ITGA10: variants seen among roughly 807,000 people sequenced by gnomAD.
ITGA10 encodes integrin alpha-10.
In ITGA10, 105 loss-of-function variants were observed where a neutral mutation model predicts 145.2. That is an observed-to-expected ratio of 0.72 (90% confidence interval 0.62 to 0.85). The LOEUF (loss-of-function observed/expected upper bound fraction) is 0.85, where lower values mean the gene tolerates loss of function less well. ITGA10 is among the 40% of genes least tolerant of loss of function. The pLI, the probability that ITGA10 is intolerant of heterozygous loss-of-function variation, is 0.00. For synonymous variants in ITGA10, 506 were observed against 557.8 expected (o/e 0.91, Z 1.31); for missense variants, 1,317 against 1,444.5 (o/e 0.91, Z 1.43).
Position 145,893,527 on chromosome 1 carries a change from T to C in ITGA10, c.3324+13A>G. ...TTATTTTCACAGCTCTCAGACTCGGTCTCCAGCCCTACCTCACTCCAACGG... is the reference window on the plus strand; with the variant it reads ...TTATTTTCACAGCTCTCAGACTCGGCCTCCAGCCCTACCTCACTCCAACGG... On this transcript the variant is annotated intron_variant, in intron 28 of 29. Transcript: ENST00000369304. The C allele has an allele frequency of 6.3e-7, 1 of 1,597,072 alleles. No individual in the cohort carries two copies. Among genetic ancestry groups the C allele is most frequent in the Non-Finnish European group, 8.6e-7 (1 of 1,168,576 alleles).
rs782139076 is a variant in ITGA10 at position 145,893,618 on chromosome 1, C to A, written c.3246G>T (p.Leu1082=). ...CCAGCTCAAAGGTGCTGACCACCGT[C>A]AGGGACTTGAACTTGGCCTATGGAA... is the stretch of plus-strand genomic sequence containing the variant. ...EFFRRAKFKS[L]TVVSTFELGT... is the part of the protein sequence containing the mutation. Residue 1082 remains leucine (L), a synonymous_variant, in exon 28 of 30, where the codon CTG becomes CTT. Transcript: ENST00000369304. 6.2e-7 allele frequency: 1 copy of A among 1,613,136 alleles called. No homozygotes were observed. The highest frequency in any genetic ancestry group is 1.3e-5 in the African/African-American group (1 of 74,914).
At chr1:145,893,766 C>A in intron 27 of ITGA10, 131 bp from the exon 28 acceptor site, 1 of 653,598 alleles carries the variant, frequency 1.5e-6, no homozygotes, top group Non-Finnish European at 2.7e-6. Context: ...GAAGAAAAGG[C>A]TGAAGACCAA....
At chr1:145,898,085 A>G in intron 18 of ITGA10, 25 bp downstream of exon 18, 1 of 1,523,410 alleles carries the variant, frequency 6.6e-7, no homozygotes, top group South Asian at 1.1e-5. Flanking sequence ...GTTGGGAGCA[A>G]GGGGCAGGGC....
intron 7 of ITGA10, 97 bp from the exon 8 acceptor site, chr1:145,903,058 CA>C: frequency 3.0e-6 from 3 of 1,003,816 alleles, no homozygotes; most frequent in East Asian, 2.5e-5. Flanking sequence ...CACACACACA[CA>C]CACACACAGG....
rs782672526 is a variant in ITGA10, at chr1:145,904,174, G to A, written c.636C>T (p.Ser212=). 33 of 1,614,068 alleles carry A rather than the reference G, an allele frequency of 2.0e-5. No homozygotes were observed. Among genetic ancestry groups the A allele is most frequent in the Non-Finnish European group, 2.7e-5 (32 of 1,179,988 alleles). The change falls in exon 7 of 30, where the codon AGC becomes AGT. Residue 212 remains serine (S), a synonymous_variant. Coordinates refer to ENST00000369304, the MANE Select transcript of ITGA10 (RefSeq NM_003637.5). ...IQVGLVQYGE[S]PVHEWSLGDF... is the part of the protein sequence containing the mutation. Reference sequence around the variant, plus strand: ...CTCCCAGGGACCACTCATGTACAGGGCTCTCCCCATACTGTACCAGTCCCA... The same window carrying A: ...CTCCCAGGGACCACTCATGTACAGGACTCTCCCCATACTGTACCAGTCCCA...
At position 145,893,186 on chromosome 1, in the gene ITGA10, G is replaced by A. The variant is rs1553743752; in HGVS notation, c.3413C>T (p.Ala1138Val). The A allele has an allele frequency of 1.2e-6, 2 of 1,613,864 alleles. No homozygotes were observed. Among genetic ancestry groups the A allele is most frequent in the South Asian group, 1.1e-5 (1 of 91,072 alleles). ...CTTCCACAGGCAGAAGACAAGGAGA[G>A]CAAGCAGGAGCAACCCTCCCAGGAC... ...GSVLGGLLLL[A>V]LLVFCLWKLG... The change falls in exon 29 of 30, where the codon GCT becomes GTT. Residue 1138 changes from alanine to valine, a missense_variant. Physicochemically the swap from Ala to Val is moderately conservative, Grantham distance 64. Transcript: ENST00000369304.
intron 29 of ITGA10, 48 bp from the exon 30 acceptor site, chr1:145,892,911 C>G: frequency 4.9e-6 from 7 of 1,437,308 alleles, no homozygotes; most frequent in Admixed American, 1.7e-5. Flanking sequence ...AGACTGGGAA[C>G]CTTGCCAGTA....
chr1:145,895,469 C>T, intron 26 of ITGA10, 76 bp from the exon 27 acceptor site: 2 of 1,398,374 alleles, frequency 1.4e-6, no homozygotes, highest in Admixed American at 1.8e-5. Context: ...CTAGTTCACA[C>T]AGTCTTGTCC....
At chr1:145,897,185 G>A (rs1655533424) in intron 21 of ITGA10, 62 bp downstream of exon 21, 2 of 1,580,376 alleles carry the variant, frequency 1.3e-6, no homozygotes, top group African/African-American at 1.3e-5. Context: ...GAAGTCCCAG[G>A]ACCCTCAGAT....
In ITGA10 at chr1:145,900,949, G is replaced by C. The variant is rs375059707; in HGVS notation, c.1632C>G (p.Pro544=). 69 of 1,614,118 alleles carry C rather than the reference G, an allele frequency of 4.3e-5. No homozygotes were observed. Among genetic ancestry groups the C allele is most frequent in the Middle Eastern group, 3.3e-4 (2 of 6,062 alleles). The part of the protein sequence containing the change: ...TLQGTLQPEP[P]QDARFGFAMG... Reference sequence around the variant, plus strand: ...TGGCAAAGCCAAACCGAGCATCCTGGGGGGGTTCTGGCTGAAGTGTTCCTT... The same window carrying C: ...TGGCAAAGCCAAACCGAGCATCCTGCGGGGGTTCTGGCTGAAGTGTTCCTT... Residue 544 remains proline, a synonymous_variant, in exon 14 of 30, where the codon CCC becomes CCG. Transcript: ENST00000369304.
Position 145,899,270 on chromosome 1 carries a change from T to G in ITGA10, c.1994A>C (p.Asp665Ala), listed in dbSNP as rs1553746910. The change falls in exon 16 of 30, where the codon GAC becomes GCC. Residue 665 changes from aspartate (D) to alanine (A), a missense_variant. By Grantham distance (126) the Asp-to-Ala change is moderately radical. Coordinates refer to ENST00000369304, the MANE Select transcript of ITGA10 (RefSeq NM_003637.5). The part of the protein sequence containing the change: ...TPQAISVVQR[D>A]CRRRGQEAVC... ...TGCCTCTTGGCCTCGCCGCCTACAG[T>G]CCCTCTGAACCACACTGATGGCCTG... 1 of 1,613,984 alleles carries G rather than the reference T, an allele frequency of 6.2e-7. No homozygotes were observed. Among genetic ancestry groups the G allele is most frequent in the Non-Finnish European group, 8.5e-7 (1 of 1,180,026 alleles).
Position 145,900,185 on chromosome 1 carries a change from C to T in ITGA10, c.1794G>A (p.Arg598=), listed in dbSNP as rs782448854. 1.2e-6 allele frequency: 2 copies of T among 1,612,132 alleles called. No homozygotes were observed. Among genetic ancestry groups the T allele is most frequent in the South Asian group, 1.1e-5 (1 of 90,766 alleles). Reference sequence around the variant, plus strand: ...CATGTGGCATGGAGGCAGCAGCAATCCTCTGAGAGGAAGAGAGAGAATACT... The same window carrying T: ...CATGTGGCATGGAGGCAGCAGCAATTCTCTGAGAGGAAGAGAGAGAATACT... ...QSGVRPHPAQ[R]IAAASMPHAL... is the part of the protein sequence containing the mutation. Residue 598 remains arginine (R), a splice_region_variant and synonymous_variant, in exon 15 of 30, where the codon AGG becomes AGA. Coordinates refer to ENST00000369304, the MANE Select transcript of ITGA10 (RefSeq NM_003637.5).
intron 28 of ITGA10, 132 bp downstream of exon 28, chr1:145,893,408 A>G: frequency 2.1e-6 from 2 of 934,378 alleles, no homozygotes; most frequent in Non-Finnish European, 1.7e-6. Context: ...TGAGGCAGGA[A>G]TGGCGGCAGT....
chr1:145,893,735 T>A, intron 27 of ITGA10, 100 bp from the exon 28 acceptor site: 4 of 834,410 alleles, frequency 4.8e-6, no homozygotes, highest in Admixed American at 2.2e-5. Context: ...AGAGGCATAA[T>A]GTTGAGGGCT....
At position 145,897,673 on chromosome 1, in the gene ITGA10, G is replaced by GA. The variant is rs2101769946; in HGVS notation, c.2433-21dup. On this transcript the variant is annotated intron_variant, in intron 19 of 29. Transcript: ENST00000369304. ...GCCTTCCTGGGAATGATGAATGAGG[G>GA]AGAGACCAGGAGTTGAAGGAGGGGA... 6.2e-7 allele frequency: 1 copy of GA among 1,614,010 alleles called. No individual in the cohort carries two copies. Among genetic ancestry groups the GA allele is most frequent in the Non-Finnish European group, 8.5e-7 (1 of 1,179,948 alleles).
chr1:145,909,549 ATAT>A (rs1415083337), intron 1 of ITGA10, among the ~76,000 whole-genome samples: 4 of 133,812 alleles, frequency 3.0e-5, no homozygotes, highest in Admixed American at 8.0e-5. Flanking sequence ...ATTATGTTAT[ATAT>A]TATATGTATA....
Position 145,908,278 on chromosome 1 carries a change from ACTGT to A in ITGA10, c.53-817_53-814del, listed in dbSNP as rs1657429571. 1.3e-5 allele frequency among the ~76,000 whole-genome samples: 2 copies of A among 151,596 alleles called. 1 individual carries two copies. The highest frequency in any genetic ancestry group is 6.3e-3 in the Middle Eastern group (2 of 316). The stretch of plus-strand genomic sequence containing the variant: ...CTTCCAGTGTCATTGTCACACTCTC[ACTGT>A]CTTTTTCCAATGTCTAGGTCCCTGG... On this transcript the variant is annotated intron_variant, in intron 1 of 29. Transcript: ENST00000369304.
intron 1 of ITGA10, among the ~76,000 whole-genome samples, chr1:145,909,607 A>G (rs1657618723): frequency 7.3e-6 from 1 of 137,600 alleles, no homozygotes; most frequent in East Asian, 2.0e-4. Context: ...TGTATATTAT[A>G]TATAATATAT....
rs59254015 is a variant in ITGA10, at chr1:145,893,194, G to C, written c.3405C>G (p.Leu1135=). The change falls in exon 29 of 30, where the codon CTC becomes CTG. Residue 1135 remains leucine, a synonymous_variant. Coordinates refer to ENST00000369304, the MANE Select transcript of ITGA10 (RefSeq NM_003637.5). ...GGCAGAAGACAAGGAGAGCAAGCAG[G>C]AGCAACCCTCCCAGGACACTGCCTA... The part of the protein sequence containing the change: ...ILIGSVLGGL[L]LLALLVFCLW... 8.1e-6 allele frequency: 13 copies of C among 1,613,982 alleles called. No individual in the cohort carries two copies. In the Admixed American group the frequency reaches 1.2e-4, roughly 14 times the overall value.
Sources: gnomAD v4.1 joint callset for allele counts (sites outside exome capture counted in the v4.1 genomes callset) on GRCh38, gnomAD v4.1.1 for gene constraint, MANE v1.5 for transcripts, NCBI Gene and HGNC (gene_info 2026-07-23, HGNC 2026-07-21) for gene names.